The following SETDB2 variants were observed in gnomAD, a reference collection of about 807,000 sequenced individuals.
The protein encoded by SETDB2 is histone-lysine N-methyltransferase SETDB2.
A neutral mutation model predicts 82.5 loss-of-function variants in SETDB2; 56 were observed. The observed-to-expected ratio is 0.68, with a 90% CI of 0.55 to 0.85. The LOEUF is 0.85. SETDB2 is among the 40% of genes least tolerant of loss of function. The pLI, the probability that SETDB2 is intolerant of heterozygous loss-of-function variation, is 0.00. For missense variants in SETDB2, 677 were observed against 816.4 expected (o/e 0.83, Z 2.08); for synonymous variants, 272 against 284.9 (o/e 0.95, Z 0.46).
At chr13:49,483,018 T>G in intron 9 of SETDB2, 56 bp downstream of exon 9, 36 of 1,077,094 alleles carry the variant, frequency 3.3e-5, no homozygotes, top group Non-Finnish European at 4.4e-5. Context: ...ATCAATTGGT[T>G]CTTTTTCATT....
chr13:49,487,489 C>T (rs1341776021), intron 11 of SETDB2, among the ~76,000 whole-genome samples: 1 of 152,110 alleles, frequency 6.6e-6, no homozygotes, highest in African/African-American at 2.4e-5. Flanking sequence ...GCACACACCC[C>T]CTTGTTGGCT....
chr13:49,464,158 G>T, intron 4 of SETDB2: 1 of 716,944 alleles, frequency 1.4e-6, no homozygotes, highest in East Asian at 2.6e-5. Flanking sequence ...TGGGTCCTAT[G>T]AGAATAAGTG....
At chr13:49,453,391 G>A (rs761512573) in intron 2 of SETDB2, among the ~76,000 whole-genome samples, 1 of 151,834 alleles carries the variant, frequency 6.6e-6, no homozygotes, top group Admixed American at 6.6e-5. Flanking sequence ...CTGCCTCCTG[G>A]GTTCAAGCAA....
intron 2 of SETDB2, among the ~76,000 whole-genome samples, chr13:49,459,168 C>T (rs1168023706): frequency 6.6e-6 from 1 of 152,198 alleles, no homozygotes; most frequent in African/African-American, 2.4e-5. Flanking sequence ...ACTAACTAGC[C>T]AGAAGTCCCC....
chr13:49,455,347 CAT>C (rs1254949057), intron 2 of SETDB2, among the ~76,000 whole-genome samples: 77 of 152,226 alleles, frequency 5.1e-4, no homozygotes, highest in African/African-American at 1.7e-3. Flanking sequence ...TGGAGTCTGA[CAT>C]ATCATTGAGT....
intron 8 of SETDB2, among the ~76,000 whole-genome samples, 199 bp from the exon 9 acceptor site, chr13:49,482,537 AC>A (rs1355565977): frequency 6.6e-6 from 1 of 151,878 alleles, no homozygotes; most frequent in Non-Finnish European, 1.5e-5. Context: ...TTTTTTAGAT[AC>A]CCTGTTTTTT....
intron 1 of SETDB2, among the ~76,000 whole-genome samples, chr13:49,450,348 C>T (rs1566152720): frequency 6.6e-6 from 1 of 152,074 alleles, no homozygotes; most frequent in Non-Finnish European, 1.5e-5. Flanking sequence ...CTAACTGGCT[C>T]TTCATGTTAG....
intron 1 of SETDB2, among the ~76,000 whole-genome samples, chr13:49,446,691 A>G (rs1957696887): frequency 6.6e-6 from 1 of 152,208 alleles, no homozygotes; most frequent in East Asian, 1.9e-4. Flanking sequence ...TGATCTGTTA[A>G]TATAAAACAT....
At chr13:49,448,436 C>G (rs1353213045) in intron 1 of SETDB2, among the ~76,000 whole-genome samples, 2 of 152,102 alleles carry the variant, frequency 1.3e-5, no homozygotes, top group Non-Finnish European at 2.9e-5. Flanking sequence ...CTAAATATCT[C>G]TTGGCATGCT....
chr13:49,476,412 G>A, intron 5 of SETDB2, 64 bp from the exon 6 acceptor site: 1 of 1,115,246 alleles, frequency 9.0e-7, no homozygotes, highest in Non-Finnish European at 1.3e-6. Context: ...AATAATCATA[G>A]TTTTTTTAAA....
chr13:49,491,671 T>C (rs1431229766), intron 13 of SETDB2, 61 bp from the exon 14 acceptor site: 1 of 1,103,364 alleles, frequency 9.1e-7, no homozygotes, highest in Admixed American at 1.9e-5. Context: ...ATTGATATAA[T>C]TTGGTTCATT....
rs893806805 is a variant in SETDB2, at chr13:49,444,624, C to T, written c.-575C>T. ...CCCGAGCAGGGGCTGGACCCCAGCC[C>T]TTGCAGCCTCCCTTCTCCTGGCACC... On this transcript the variant is annotated 5_prime_UTR_variant, in exon 1 of 14. Transcript: ENST00000611815. 31 of 155,718 alleles carry T rather than the reference C, an allele frequency of 2.0e-4. No homozygotes were observed. The highest frequency in any genetic ancestry group is 7.5e-4 in the African/African-American group (31 of 41,464). The allele number at this position is 155,718 out of a possible 1,614,324, so 9.6% of individuals were successfully genotyped here.
chr13:49,483,156 T>C (rs1230989654), intron 9 of SETDB2, among the ~76,000 whole-genome samples, 194 bp downstream of exon 9: 1 of 152,238 alleles, frequency 6.6e-6, no homozygotes, highest in East Asian at 1.9e-4. Flanking sequence ...GTTCCAGTTT[T>C]GGAATTTTAC....
At chr13:49,484,944 C>T (rs1958564959) in intron 10 of SETDB2, among the ~76,000 whole-genome samples, 1 of 152,172 alleles carries the variant, frequency 6.6e-6, no homozygotes, top group Non-Finnish European at 1.5e-5. Flanking sequence ...TATCTCCATA[C>T]ATACATTTCT....
chr13:49,465,150 T>C (rs1958078120), intron 4 of SETDB2, among the ~76,000 whole-genome samples: 1 of 152,086 alleles, frequency 6.6e-6, no homozygotes, highest in African/African-American at 2.4e-5. Flanking sequence ...GAACTTTGTG[T>C]TGAGGTCAAA....
chr13:49,492,598 C>A lies in SETDB2; in HGVS notation c.*749C>A, dbSNP rs1443104060. On this transcript the variant is annotated 3_prime_UTR_variant, in exon 14 of 14. Transcript: ENST00000611815. ...GAGATACAGTTACTGAAAAGGAAAC[C>A]TAGAAAGTAGTCACACGTTGCTTAT... is the stretch of plus-strand genomic sequence containing the variant. 6.6e-6 allele frequency: 1 copy of A among 152,090 alleles called. No homozygotes were observed. Among genetic ancestry groups the A allele is most frequent in the Non-Finnish European group, 1.5e-5 (1 of 67,994 alleles). 9.4% of individuals were successfully genotyped at this position (152,090 alleles called of 1,614,324 possible). A position where few individuals can be genotyped will look rare whatever the true frequency, so the allele number is the denominator to read the frequency against.
intron 3 of SETDB2, 125 bp downstream of exon 3, chr13:49,460,357 AC>A (rs1220283717): frequency 1.2e-5 from 12 of 990,868 alleles, no homozygotes; most frequent in Admixed American, 7.5e-5. Context: ...TTTGAATAAT[AC>A]CTACTGAATT....
chr13:49,456,599 T>C (rs551001236), intron 2 of SETDB2, among the ~76,000 whole-genome samples: 1 of 152,204 alleles, frequency 6.6e-6, no homozygotes, highest in Non-Finnish European at 1.5e-5. Context: ...AAATATCTTC[T>C]AGTAAAATAT....
chr13:49,473,807 G>T (rs964898499), intron 5 of SETDB2, among the ~76,000 whole-genome samples: 2 of 152,086 alleles, frequency 1.3e-5, no homozygotes, highest in African/African-American at 4.8e-5. Context: ...AGAAAATAGG[G>T]TGTTTTATCT....
Sources: allele counts gnomAD v4.1 joint callset (sites outside exome capture counted in the v4.1 genomes callset), GRCh38; gene constraint gnomAD v4.1.1; transcripts MANE v1.5; gene names NCBI Gene and HGNC (gene_info 2026-07-23, HGNC 2026-07-21).